The following PAPPA2 variants were observed in gnomAD, a reference collection of about 807,000 sequenced individuals.
The protein encoded by PAPPA2 is pappalysin 2.
A neutral mutation model predicts 176.4 loss-of-function variants in PAPPA2; 86 were observed. The ratio of observed to expected loss-of-function variants is 0.49; its 90% CI spans 0.41 to 0.58. The LOEUF is 0.58. PAPPA2 is among the 20% of genes least tolerant of loss of function. PAPPA2 has a pLI of 0.00. For missense variants in PAPPA2, 2,073 were observed against 2,256.9 expected (o/e 0.92, Z 1.65); for synonymous variants, 809 against 852.2 (o/e 0.95, Z 0.88).
At chr1:176,507,161 C>T (rs1648320809) in intron 1 of PAPPA2, among the ~76,000 whole-genome samples, 1 of 151,902 alleles carries the variant, frequency 6.6e-6, no homozygotes, top group Non-Finnish European at 1.5e-5. Flanking sequence ...AGAAGACATA[C>T]AAGTGGTCAA....
chr1:176,553,817 C>T (rs1429431173), intron 1 of PAPPA2: 1 of 151,972 alleles, frequency 6.6e-6, no homozygotes, highest in Admixed American at 6.6e-5. Flanking sequence ...GAGTATCTTC[C>T]CTTTACTTGA....
chr1:176,475,909 T>C (rs1309701673), intron 1 of PAPPA2, among the ~76,000 whole-genome samples: 1 of 152,180 alleles, frequency 6.6e-6, no homozygotes, highest in Non-Finnish European at 1.5e-5. Flanking sequence ...AACTAATACC[T>C]ATGATGAAAA....
chr1:176,738,705 T>C (rs1169285412), intron 12 of PAPPA2, among the ~76,000 whole-genome samples: 3 of 152,120 alleles, frequency 2.0e-5, no homozygotes, highest in Non-Finnish European at 4.4e-5. Flanking sequence ...TTAAGAGAAA[T>C]ATTCAGCTAT....
At chr1:176,631,345 G>A (rs532000581) in intron 3 of PAPPA2, among the ~76,000 whole-genome samples, 1 of 152,110 alleles carries the variant, frequency 6.6e-6, no homozygotes, top group Non-Finnish European at 1.5e-5. Flanking sequence ...AATCTACAGA[G>A]ACTGAAAAGA....
intron 3 of PAPPA2, among the ~76,000 whole-genome samples, chr1:176,608,468 G>A (rs1384680205): frequency 6.6e-6 from 1 of 152,078 alleles, no homozygotes; most frequent in South Asian, 2.1e-4. Context: ...ATGAATTTGC[G>A]GTGCAAATCT....
At chr1:176,718,858 C>T (rs1264113024) in intron 12 of PAPPA2, among the ~76,000 whole-genome samples, 1 of 151,902 alleles carries the variant, frequency 6.6e-6, no homozygotes, top group African/African-American at 2.4e-5. Flanking sequence ...GTGTGGTCTG[C>T]AATTGTTGGA....
At position 176,844,931 on chromosome 1, in the gene PAPPA2, C is replaced by T. The variant is rs982749341; in HGVS notation, c.*2477C>T. 6.6e-6 allele frequency: 1 copy of T among 152,166 alleles called. No individual in the cohort carries two copies. Among genetic ancestry groups the T allele is most frequent in the Non-Finnish European group, 1.5e-5 (1 of 68,030 alleles). The allele number at this position is 152,166 out of a possible 1,614,324, so 9.4% of individuals were successfully genotyped here. A position where few individuals can be genotyped will look rare whatever the true frequency, so the allele number is the denominator to read the frequency against. ...ATATTTTATTATCTGCAATTCACCA[C>T]TGCTCTGGGAAAGCAAAAGGAAAGT... On this transcript the variant is annotated 3_prime_UTR_variant, in exon 23 of 23. Coordinates refer to ENST00000367662, the MANE Select transcript of PAPPA2 (RefSeq NM_020318.3).
chr1:176,607,638 T>C (rs940370383), intron 3 of PAPPA2, among the ~76,000 whole-genome samples: 1 of 152,208 alleles, frequency 6.6e-6, no homozygotes, highest in Non-Finnish European at 1.5e-5. Flanking sequence ...GGACTTTCTA[T>C]TAAATGTATA....
chr1:176,831,384 C>T (rs1667073504), intron 21 of PAPPA2, among the ~76,000 whole-genome samples: 1 of 152,190 alleles, frequency 6.6e-6, no homozygotes, highest in African/African-American at 2.4e-5. Context: ...CACAGAAGTG[C>T]TGTTGTTTTC....
chr1:176,812,983 C>T (rs1666222540), intron 21 of PAPPA2, among the ~76,000 whole-genome samples: 1 of 151,978 alleles, frequency 6.6e-6, no homozygotes, highest in Admixed American at 6.6e-5. Context: ...TGTTGTTCCC[C>T]CATTCTGTTC....
chr1:176,608,724 A>C (rs1321669894), intron 3 of PAPPA2, among the ~76,000 whole-genome samples: 5 of 152,188 alleles, frequency 3.3e-5, no homozygotes, highest in African/African-American at 9.7e-5. Context: ...AAAGACTGTC[A>C]AACAAGTTCC....
At chr1:176,484,719 C>T (rs1309722254) in intron 1 of PAPPA2, among the ~76,000 whole-genome samples, 1 of 152,170 alleles carries the variant, frequency 6.6e-6, no homozygotes, top group Non-Finnish European at 1.5e-5. Context: ...ACTTTCATCT[C>T]TCTACATCTC....
intron 1 of PAPPA2, among the ~76,000 whole-genome samples, chr1:176,539,164 G>A (rs1221457802): frequency 1.3e-5 from 2 of 152,340 alleles, no homozygotes; most frequent in East Asian, 3.9e-4. Context: ...CAGTTAGGCA[G>A]ACGAGAATCA....
intron 21 of PAPPA2, among the ~76,000 whole-genome samples, chr1:176,817,745 G>GAAAGA (rs1557890510): frequency 1.3e-5 from 2 of 151,408 alleles, no homozygotes; most frequent in Non-Finnish European, 2.9e-5. Flanking sequence ...AAAAAAGAAA[G>GAAAGA]AAAGAAAAGA....
At chr1:176,778,753 C>T (rs1048423569) in intron 17 of PAPPA2, among the ~76,000 whole-genome samples, 1 of 152,158 alleles carries the variant, frequency 6.6e-6, no homozygotes, top group Non-Finnish European at 1.5e-5. Flanking sequence ...TCTATGTACA[C>T]TCATGTATCT....
chr1:176,467,375 T>C lies in PAPPA2; in HGVS notation c.-917+3957T>C, dbSNP rs191181875. On this transcript the variant is annotated intron_variant, in intron 1 of 22. Transcript: ENST00000367662. ...TCTTTTCAGTTGTTTTTCTCTGAGTTTTTATTCTCATTGTTAGAAGTGTTG... is the reference window on the plus strand; with the variant it reads ...TCTTTTCAGTTGTTTTTCTCTGAGTCTTTATTCTCATTGTTAGAAGTGTTG... Among the ~76,000 whole-genome samples, 19 of 152,320 alleles carry C rather than the reference T, an allele frequency of 1.2e-4. 1 individual carries two copies. The highest frequency in any genetic ancestry group is 4.3e-4 in the African/African-American group (18 of 41,574).
chr1:176,723,094 T>C (rs1177716605), intron 12 of PAPPA2, among the ~76,000 whole-genome samples: 2 of 152,152 alleles, frequency 1.3e-5, no homozygotes, highest in Non-Finnish European at 2.9e-5. Flanking sequence ...GGTACCAGGG[T>C]AGTAGGGCAA....
intron 2 of PAPPA2, among the ~76,000 whole-genome samples, chr1:176,574,755 G>A (rs185161015): frequency 6.6e-6 from 1 of 152,234 alleles, no homozygotes; most frequent in East Asian, 1.9e-4. Context: ...ATGATGTGTT[G>A]GTTAACAAGA....
At chr1:176,661,946 T>C (rs1472031586) in intron 3 of PAPPA2, among the ~76,000 whole-genome samples, 1 of 152,200 alleles carries the variant, frequency 6.6e-6, no homozygotes, top group Non-Finnish European at 1.5e-5. Context: ...TGTAATTTTG[T>C]ACACACTTCT....
Sources: gnomAD v4.1 joint callset for allele counts (sites outside exome capture counted in the v4.1 genomes callset) on GRCh38, gnomAD v4.1.1 for gene constraint, MANE v1.5 for transcripts, NCBI Gene and HGNC (gene_info 2026-07-23, HGNC 2026-07-21) for gene names.